IL1RAPL1: variants seen among roughly 807,000 people sequenced by gnomAD.
IL1RAPL1 encodes interleukin 1 receptor accessory protein like 1.
IL1RAPL1 carries 3 observed loss-of-function variants against 48.4 expected under a neutral mutation model. That is an observed-to-expected ratio of 0.06 (90% CI 0.03 to 0.16). The LOEUF (loss-of-function observed/expected upper bound fraction) is 0.16. Ranked by LOEUF, IL1RAPL1 falls within the 10% of genes least tolerant of loss-of-function variation. The probability of loss-of-function intolerance (pLI) is 1.00; values close to 1 mark genes in which losing one functional copy is unlikely to be tolerated. For synonymous variants in IL1RAPL1, 185 were observed against 187.7 expected (o/e 0.99, Z 0.12); for missense variants, 349 against 530.6 (o/e 0.66, Z 3.36).
intron 2 of IL1RAPL1, among the ~76,000 whole-genome samples, chrX:29,052,755 G>A (rs1421851698): frequency 9.0e-6 from 1 of 110,960 alleles, no homozygotes; most frequent in African/African-American, 3.3e-5. Flanking sequence ...CACTGCAACC[G>A]CCGCCTCCCG....
At chrX:29,075,690 A>G (rs769248952) in intron 2 of IL1RAPL1, among the ~76,000 whole-genome samples, 1 of 112,146 alleles carries the variant, frequency 8.9e-6, no homozygotes, top group South Asian at 3.7e-4. Context: ...ATAGAAAATG[A>G]GTTTAAATGA....
intron 3 of IL1RAPL1, among the ~76,000 whole-genome samples, chrX:29,307,256 A>G (rs1159981630): frequency 1.8e-5 from 2 of 112,019 alleles, no homozygotes; most frequent in South Asian, 3.7e-4. Flanking sequence ...AAGTAACTCA[A>G]TTGACTCTGA....
intron 2 of IL1RAPL1, among the ~76,000 whole-genome samples, chrX:29,111,034 T>C (rs1012466027): frequency 1.3e-4 from 15 of 111,783 alleles, no homozygotes; most frequent in African/African-American, 1.6e-4. Flanking sequence ...AAGATTCTTT[T>C]GTAACTCACT....
chrX:28,947,742 A>G (rs1924345846), intron 2 of IL1RAPL1, among the ~76,000 whole-genome samples: 1 of 112,088 alleles, frequency 8.9e-6, no homozygotes, highest in African/African-American at 3.2e-5. Context: ...AGCATGTAAT[A>G]CATCAGGAAA....
intron 2 of IL1RAPL1, among the ~76,000 whole-genome samples, chrX:29,150,351 A>G (rs2147497892): frequency 8.9e-6 from 1 of 111,941 alleles, no homozygotes; most frequent in South Asian, 3.7e-4. Flanking sequence ...GACAGGATAG[A>G]TAAGTAATGA....
intron 6 of IL1RAPL1, among the ~76,000 whole-genome samples, chrX:29,825,402 T>G (rs1930714460): frequency 9.0e-6 from 1 of 111,687 alleles, no homozygotes; most frequent in South Asian, 3.8e-4. Flanking sequence ...CTCTAATCCC[T>G]TTTGCCTCTC....
At chrX:29,800,952 A>G (rs1304277432) in intron 6 of IL1RAPL1, among the ~76,000 whole-genome samples, 14 of 92,480 alleles carry the variant, frequency 1.5e-4, no homozygotes, top group Non-Finnish European at 2.8e-4. Flanking sequence ...GTGAGCCAAG[A>G]TGGCACCGTT....
chrX:29,892,533 A>G (rs915375371), intron 6 of IL1RAPL1, among the ~76,000 whole-genome samples: 2 of 112,798 alleles, frequency 1.8e-5, no homozygotes, highest in African/African-American at 3.2e-5. Flanking sequence ...ATAAATGGAT[A>G]GAATTTAGAA....
chrX:29,094,730 C>G (rs1289732370), intron 2 of IL1RAPL1, among the ~76,000 whole-genome samples: 1 of 86,203 alleles, frequency 1.2e-5, no homozygotes, highest in African/African-American at 4.6e-5. Flanking sequence ...GAGATTGCAC[C>G]ACTGCACTCC....
intron 3 of IL1RAPL1, among the ~76,000 whole-genome samples, chrX:29,308,306 G>T (rs1932656387): frequency 9.0e-6 from 1 of 111,620 alleles, no homozygotes; most frequent in Non-Finnish European, 1.9e-5. Context: ...CAGAGCCAGA[G>T]AAAGACATCA....
intron 3 of IL1RAPL1, among the ~76,000 whole-genome samples, chrX:29,287,369 A>G (rs1352759728): frequency 8.9e-6 from 1 of 112,225 alleles, no homozygotes; most frequent in African/African-American, 3.2e-5. Flanking sequence ...TGGGGATATT[A>G]AAAAGGAAAC....
intron 1 of IL1RAPL1, among the ~76,000 whole-genome samples, chrX:28,634,006 G>C (rs1257899948): frequency 9.1e-6 from 1 of 110,479 alleles, no homozygotes; most frequent in East Asian, 2.8e-4. Flanking sequence ...TTATATCATA[G>C]AATTTTTTTT....
At chrX:29,777,715 AG>A (rs1929235516) in intron 6 of IL1RAPL1, among the ~76,000 whole-genome samples, 1 of 111,122 alleles carries the variant, frequency 9.0e-6, no homozygotes, top group Admixed American at 9.6e-5. Flanking sequence ...AATGGTAAGA[AG>A]TTTTTTTTTC....
chrX:28,815,494 T>C (rs778392628), intron 2 of IL1RAPL1, among the ~76,000 whole-genome samples: 1 of 108,992 alleles, frequency 9.2e-6, no homozygotes, highest in South Asian at 3.9e-4. Flanking sequence ...TATTTTGAAA[T>C]GTATAATAGA....
intron 6 of IL1RAPL1, among the ~76,000 whole-genome samples, chrX:29,790,911 T>G (rs1006285935): frequency 1.2e-4 from 13 of 111,995 alleles, no homozygotes; most frequent in Non-Finnish European, 2.3e-4. Flanking sequence ...CTAAGGCCAG[T>G]ATATATAACT....
intron 6 of IL1RAPL1, among the ~76,000 whole-genome samples, chrX:29,833,980 G>A: frequency 8.9e-6 from 1 of 112,179 alleles, no homozygotes; most frequent in East Asian, 2.8e-4. Flanking sequence ...TTGGCATGAT[G>A]TAGCTTGTCC....
At chrX:29,680,331 G>C (rs1008975088) in intron 6 of IL1RAPL1, among the ~76,000 whole-genome samples, 9 of 111,848 alleles carry the variant, frequency 8.0e-5, no homozygotes, top group Admixed American at 9.5e-5. Flanking sequence ...ACGTTGCTCA[G>C]TTCTTCTAAC....
chrX:29,362,459 T>C (rs1933390023), intron 3 of IL1RAPL1, among the ~76,000 whole-genome samples: 1 of 112,107 alleles, frequency 8.9e-6, no homozygotes, highest in South Asian at 3.6e-4. Flanking sequence ...TATCCACAGC[T>C]CCCTACCATT....
intron 6 of IL1RAPL1, among the ~76,000 whole-genome samples, chrX:29,727,105 GAA>G (rs1050401222): frequency 8.9e-5 from 10 of 111,811 alleles, no homozygotes; most frequent in Non-Finnish European, 1.5e-4. Context: ...TCAGACAAAA[GAA>G]AATGTCTCAT....
Sources: gnomAD v4.1 joint callset for allele counts (sites outside exome capture counted in the v4.1 genomes callset) on GRCh38, gnomAD v4.1.1 for gene constraint, MANE v1.5 for transcripts, NCBI Gene and HGNC (gene_info 2026-07-23, HGNC 2026-07-21) for gene names.